Variants in ABI2 observed in about 807,000 individuals in gnomAD.
ABI2 encodes the protein abl interactor 2.
Under a neutral mutation model 59.2 loss-of-function variants are expected in ABI2, and 25 were observed. The observed-to-expected ratio is 0.42, with a 90% CI of 0.31 to 0.59. The LOEUF (loss-of-function observed/expected upper bound fraction) is 0.59. ABI2 is among the 20% of genes least tolerant of loss of function. The pLI is 0.14. For missense variants in ABI2, 545 were observed against 681.8 expected (o/e 0.80, Z 2.23); for synonymous variants, 213 against 235.5 (o/e 0.90, Z 0.87).
chr2:203,423,840 A>C (rs1254625606), intron 11 of ABI2, among the ~76,000 whole-genome samples: 1 of 152,236 alleles, frequency 6.6e-6, no homozygotes, highest in Non-Finnish European at 1.5e-5. Context: ...TAAGCTAAGA[A>C]GTTTTTTTCA....
chr2:203,402,367 A>G (rs75287503), intron 8 of ABI2, among the ~76,000 whole-genome samples: 5,491 of 152,244 alleles, frequency 0.036, 328 homozygotes, highest in African/African-American at 0.12. Flanking sequence ...ATAACTTTCC[A>G]AACTTAATCA....
intron 2 of ABI2, among the ~76,000 whole-genome samples, chr2:203,372,787 C>A (rs1463211985): frequency 6.7e-6 from 1 of 150,344 alleles, no homozygotes; most frequent in East Asian, 2.0e-4. Context: ...CTCCTCACTT[C>A]TCAGATGGGG....
intron 3 of ABI2, among the ~76,000 whole-genome samples, chr2:203,381,492 C>T (rs2096125510): frequency 6.6e-6 from 1 of 152,134 alleles, no homozygotes; most frequent in Non-Finnish European, 1.5e-5. Flanking sequence ...GTCATGAACT[C>T]CTGTACTTAA....
intron 2 of ABI2, among the ~76,000 whole-genome samples, chr2:203,373,627 G>T (rs1271887582): frequency 6.6e-6 from 1 of 152,182 alleles, no homozygotes; most frequent in Non-Finnish European, 1.5e-5. Context: ...TAGAAAAAAA[G>T]ATTAAGCAAG....
intron 2 of ABI2, among the ~76,000 whole-genome samples, chr2:203,370,896 TA>T (rs2095112362): frequency 6.6e-6 from 1 of 152,156 alleles, no homozygotes; most frequent in African/African-American, 2.4e-5. Context: ...CTTTTCCCAT[TA>T]GTATTCTTTT....
intron 8 of ABI2, among the ~76,000 whole-genome samples, chr2:203,401,613 G>T (rs1357679648): frequency 1.3e-5 from 2 of 152,062 alleles, no homozygotes; most frequent in Non-Finnish European, 2.9e-5. Context: ...TGGACTTAGG[G>T]ATGATATTAA....
chr2:203,392,318 CAACAACAACAA>C (rs1559313357), intron 5 of ABI2, among the ~76,000 whole-genome samples: 211 of 106,486 alleles, frequency 2.0e-3, no homozygotes, highest in African/African-American at 4.1e-3. Context: ...CCACCACCAA[CAACAACAACAA>C]CAACAACAAC....
intron 1 of ABI2, chr2:203,351,537 T>G: frequency 4.6e-6 from 2 of 433,824 alleles, no homozygotes; most frequent in South Asian, 1.7e-5. Flanking sequence ...GTTTAGTTTT[T>G]TTTTTTTTTT....
chr2:203,386,932 G>A (rs1419771138), intron 4 of ABI2, among the ~76,000 whole-genome samples: 1 of 152,002 alleles, frequency 6.6e-6, no homozygotes, highest in Non-Finnish European at 1.5e-5. Context: ...GAGCCACCAT[G>A]CCCAGCCAGA....
At chr2:203,423,574 G>A (rs759808062) in intron 11 of ABI2, among the ~76,000 whole-genome samples, 1 of 152,088 alleles carries the variant, frequency 6.6e-6, no homozygotes, top group South Asian at 2.1e-4. Flanking sequence ...TACAGGCGCC[G>A]GCCACCATGC....
chr2:203,335,662 G>A (rs770182587), intron 1 of ABI2, among the ~76,000 whole-genome samples: 2 of 152,036 alleles, frequency 1.3e-5, no homozygotes, highest in Admixed American at 6.6e-5. Context: ...GTAAAGTTTT[G>A]CAGTACTTTT....
At chr2:203,332,976 A>C (rs2152331551) in intron 1 of ABI2, among the ~76,000 whole-genome samples, 1 of 152,280 alleles carries the variant, frequency 6.6e-6, no homozygotes, top group Admixed American at 6.5e-5. Context: ...ACTTACCTTA[A>C]ATTTTTACCT....
At chr2:203,420,768 GA>G (rs767284794) in intron 11 of ABI2, among the ~76,000 whole-genome samples, 5 of 152,148 alleles carry the variant, frequency 3.3e-5, no homozygotes, top group Non-Finnish European at 5.9e-5. Context: ...GTTAAAAAAT[GA>G]ATAGTGCCAT....
chr2:203,332,510 A>G (rs538258983), intron 1 of ABI2, among the ~76,000 whole-genome samples: 79 of 152,164 alleles, frequency 5.2e-4, no homozygotes, highest in African/African-American at 1.8e-3. Context: ...CTGTAGTCCC[A>G]GCTACTTGGG....
At chr2:203,412,958 C>G (rs1478739990) in intron 10 of ABI2, among the ~76,000 whole-genome samples, 1 of 152,206 alleles carries the variant, frequency 6.6e-6, no homozygotes, top group Non-Finnish European at 1.5e-5. Flanking sequence ...AAGTAAATGT[C>G]ATTACAGTAA....
intron 9 of ABI2, among the ~76,000 whole-genome samples, chr2:203,402,959 A>G (rs1394386062): frequency 2.0e-5 from 3 of 152,160 alleles, no homozygotes; most frequent in Non-Finnish European, 2.9e-5. Context: ...AGTTTTTCTG[A>G]GCAGAATTTT....
intron 11 of ABI2, among the ~76,000 whole-genome samples, chr2:203,426,083 T>C (rs900338016): frequency 6.6e-6 from 1 of 152,078 alleles, no homozygotes; most frequent in Admixed American, 6.6e-5. Flanking sequence ...TATTCACAAT[T>C]TAAGGAAGCT....
chr2:203,358,175 G>A (rs899817312), intron 1 of ABI2, among the ~76,000 whole-genome samples: 50 of 150,880 alleles, frequency 3.3e-4, no homozygotes, highest in Non-Finnish European at 4.1e-4. Flanking sequence ...GGAGCGCAGT[G>A]GTAGTTAGTC....
rs186170803 is a variant in ABI2, at chr2:203,380,020, G to A, written c.286-188G>A. Reference sequence around the variant, plus strand: ...GATGATGGGCCAGATTTGGCCTGTGGGCCATGGTTTACCAGCCCTTGCTTT... The same window carrying A: ...GATGATGGGCCAGATTTGGCCTGTGAGCCATGGTTTACCAGCCCTTGCTTT... On this transcript the variant is annotated intron_variant, in intron 2 of 11. Coordinates refer to ENST00000261018, the MANE Select transcript of ABI2 (RefSeq NM_001375670.1). Among the ~76,000 whole-genome samples, 82 of 152,236 alleles carry A rather than the reference G, an allele frequency of 5.4e-4. 1 individual carries two copies. The highest frequency in any genetic ancestry group is 8.7e-4 in the Non-Finnish European group (59 of 68,014).
Sources: gnomAD v4.1 joint callset for allele counts (sites outside exome capture counted in the v4.1 genomes callset) on GRCh38, gnomAD v4.1.1 for gene constraint, MANE v1.5 for transcripts, NCBI Gene and HGNC (gene_info 2026-07-23, HGNC 2026-07-21) for gene names.